SDK1: variants seen among roughly 807,000 people sequenced by gnomAD.
SDK1 encodes sidekick cell adhesion molecule 1.
In SDK1, 157 loss-of-function variants were observed where a neutral mutation model predicts 245.5. The observed-to-expected ratio is 0.64, with a 90% CI of 0.56 to 0.73. The LOEUF is 0.73. SDK1 is among the 30% of genes least tolerant of loss of function. The pLI is 0.00. For missense variants in SDK1, 3,583 were observed against 3,002.3 expected (o/e 1.19, Z -4.52); for synonymous variants, 1,647 against 1,278.5 (o/e 1.29, Z -6.15).
chr7:3,307,225 T>C (rs547378451), intron 1 of SDK1, among the ~76,000 whole-genome samples: 9 of 152,226 alleles, frequency 5.9e-5, no homozygotes, highest in Admixed American at 5.2e-4. Flanking sequence ...CCCCTAAGTA[T>C]GTACACCTCT....
intron 5 of SDK1, among the ~76,000 whole-genome samples, chr7:3,906,399 T>TGTGAGA (rs373402283): frequency 0.036 from 5,436 of 149,968 alleles, 319 homozygotes; most frequent in African/African-American, 0.12. Flanking sequence ...TGTGTGTGTG[T>TGTGAGA]GAGAGAGAGA....
chr7:3,376,949 C>A, intron 1 of SDK1, among the ~76,000 whole-genome samples: 1 of 152,118 alleles, frequency 6.6e-6, no homozygotes, highest in South Asian at 2.1e-4. Flanking sequence ...GTACTCATAC[C>A]TTTTAAATCT....
chr7:3,997,715 G>A (rs1430986299), intron 14 of SDK1, among the ~76,000 whole-genome samples: 3 of 152,124 alleles, frequency 2.0e-5, no homozygotes, highest in Non-Finnish European at 4.4e-5. Flanking sequence ...AGTGGGCCTG[G>A]AAAAGGCACC....
chr7:3,477,966 CT>C (rs1781398034), intron 1 of SDK1, among the ~76,000 whole-genome samples: 1 of 152,108 alleles, frequency 6.6e-6, no homozygotes, highest in Non-Finnish European at 1.5e-5. Flanking sequence ...TCTGCCTTTA[CT>C]TTTTTTCCTA....
At chr7:3,682,179 A>G (rs1784120291) in intron 4 of SDK1, among the ~76,000 whole-genome samples, 1 of 152,180 alleles carries the variant, frequency 6.6e-6, no homozygotes, top group Admixed American at 6.5e-5. Flanking sequence ...ACTCTGTGAG[A>G]TGATAGGCAA....
chr7:3,831,909 G>T lies in SDK1; in HGVS notation c.847+10326G>T, dbSNP rs73310054. Among the ~76,000 whole-genome samples, 1,030 of 152,118 alleles carry T rather than the reference G, an allele frequency of 6.8e-3. 12 individuals are homozygous for T. Among genetic ancestry groups the T allele is most frequent in the African/African-American group, 0.024 (986 of 41,514 alleles). ...CAACAAAAACAAAAAAAACGTGCCA[G>T]GTGTGGTAGTGCATACCTGTGGCCC... is the stretch of plus-strand genomic sequence containing the variant. On this transcript the variant is annotated intron_variant, in intron 5 of 44. Transcript: ENST00000404826.
At chr7:3,540,918 C>G (rs775920558) in intron 1 of SDK1, among the ~76,000 whole-genome samples, 2 of 152,172 alleles carry the variant, frequency 1.3e-5, no homozygotes, top group Non-Finnish European at 2.9e-5. Flanking sequence ...GGTGGACCTT[C>G]GTCTTGTCTT....
chr7:3,753,426 A>T (rs1402073157), intron 4 of SDK1, among the ~76,000 whole-genome samples: 1 of 152,192 alleles, frequency 6.6e-6, no homozygotes. Flanking sequence ...TTACAAAACA[A>T]GAGAAGATCA....
intron 5 of SDK1, among the ~76,000 whole-genome samples, chr7:3,940,394 A>G (rs1484411482): frequency 6.6e-6 from 1 of 152,236 alleles, no homozygotes; most frequent in Non-Finnish European, 1.5e-5. Context: ...ACGCATCTTA[A>G]AACTCGAGCA....
At chr7:3,674,213 C>T (rs1032758894) in intron 4 of SDK1, among the ~76,000 whole-genome samples, 6 of 152,004 alleles carry the variant, frequency 3.9e-5, no homozygotes, top group Non-Finnish European at 7.4e-5. Context: ...ACTACAACAA[C>T]GAAGGTGTAG....
rs368058097 is a variant in SDK1 at position 3,443,010 on chromosome 7, T to C, written c.298+141126T>C. Among the ~76,000 whole-genome samples the C allele has an allele frequency of 7.9e-5, 12 of 151,624 alleles. No homozygotes were observed. In the East Asian group the frequency reaches 1.4e-3, roughly 17 times the overall value. On this transcript the variant is annotated intron_variant, in intron 1 of 44. Coordinates refer to ENST00000404826, the MANE Select transcript of SDK1 (RefSeq NM_152744.4). ...GAGGTGTGGGAAGCATGTTTACTTATAAAGCAACACAATACCCTATCCATA... is the reference window on the plus strand; with the variant it reads ...GAGGTGTGGGAAGCATGTTTACTTACAAAGCAACACAATACCCTATCCATA...
At chr7:4,105,528 A>G (rs1221657417) in intron 22 of SDK1, among the ~76,000 whole-genome samples, 1 of 146,460 alleles carries the variant, frequency 6.8e-6, no homozygotes, top group Non-Finnish European at 1.5e-5. Context: ...GCTGGTCTTG[A>G]TCTCTTGACC....
chr7:3,490,879 G>A (rs1466410734), intron 1 of SDK1, among the ~76,000 whole-genome samples: 1 of 152,164 alleles, frequency 6.6e-6, no homozygotes, highest in Non-Finnish European at 1.5e-5. Context: ...AGAAGACAGG[G>A]AGAATGATAG....
At chr7:4,198,411 C>T (rs114682655) in intron 35 of SDK1, among the ~76,000 whole-genome samples, 419 of 152,342 alleles carry the variant, frequency 2.8e-3, no homozygotes, top group African/African-American at 9.9e-3. Context: ...TTGCACTTGA[C>T]GCACCAGCTC....
chr7:3,511,764 C>G (rs1396147353), intron 1 of SDK1, among the ~76,000 whole-genome samples: 1 of 150,828 alleles, frequency 6.6e-6, no homozygotes, highest in East Asian at 1.9e-4. Context: ...CATTATTTTA[C>G]CATTCTTAGG....
intron 38 of SDK1, among the ~76,000 whole-genome samples, chr7:4,213,348 G>C (rs930492356): frequency 2.6e-5 from 4 of 151,962 alleles, no homozygotes; most frequent in Non-Finnish European, 4.4e-5. Context: ...GGAGGCGGAG[G>C]TGGCAGTGAG....
At chr7:3,323,953 T>C (rs984980481) in intron 1 of SDK1, among the ~76,000 whole-genome samples, 3 of 152,192 alleles carry the variant, frequency 2.0e-5, no homozygotes, top group African/African-American at 7.2e-5. Flanking sequence ...TTCTATTACC[T>C]ATGTCCATTT....
chr7:3,402,961 T>A lies in SDK1; in HGVS notation c.298+101077T>A, dbSNP rs144665769. ...CCTCTGTTTCTTTCTTTCTTTCTTT[T>A]TTTGAGACAGAGTTTCACTCTGGAG... is the stretch of plus-strand genomic sequence containing the variant. On this transcript the variant is annotated intron_variant, in intron 1 of 44. Coordinates refer to ENST00000404826, the MANE Select transcript of SDK1 (RefSeq NM_152744.4). Among the ~76,000 whole-genome samples, 79 of 151,704 alleles carry A rather than the reference T, an allele frequency of 5.2e-4. No individual in the cohort carries two copies. In the East Asian group the frequency reaches 0.015, roughly 29 times the overall value.
chr7:3,602,036 C>T (rs1041646902), intron 1 of SDK1, among the ~76,000 whole-genome samples: 3 of 151,868 alleles, frequency 2.0e-5, no homozygotes, highest in African/African-American at 7.3e-5. Flanking sequence ...CATAGTATTC[C>T]ATGGAGTATA....
Sources: allele counts gnomAD v4.1 joint callset (sites outside exome capture counted in the v4.1 genomes callset), GRCh38; gene constraint gnomAD v4.1.1; transcripts MANE v1.5; gene names NCBI Gene and HGNC (gene_info 2026-07-23, HGNC 2026-07-21).